The following TEX9 variants were observed in gnomAD, a reference collection of about 807,000 sequenced individuals.
The protein encoded by TEX9 is testis-expressed protein 9.
Under a neutral mutation model 59.6 loss-of-function variants are expected in TEX9, and 74 were observed. The ratio of observed to expected loss-of-function variants is 1.24; its 90% CI spans 1.03 to 1.51. TEX9 has a LOEUF of 1.51. Among genes scored for constraint, TEX9 ranks in the 40% most tolerant of loss-of-function variants. The pLI is 0.00. For synonymous variants in TEX9, 186 were observed against 152.2 expected, an observed-to-expected ratio of 1.22 and a Z score of -1.64; for missense variants, 522 against 447.8, an observed-to-expected ratio of 1.17 and a Z score of -1.49.
At chr15:56,280,456 T>C (rs1052827109) in intron 1 of TEX9, among the ~76,000 whole-genome samples, 5 of 152,226 alleles carry the variant, frequency 3.3e-5, no homozygotes, top group Non-Finnish European at 7.3e-5. Flanking sequence ...CTGAACATTC[T>C]ACCCGAAGGC....
intron 1 of TEX9, among the ~76,000 whole-genome samples, chr15:56,354,387 C>A (rs1335714686): frequency 6.6e-6 from 1 of 152,066 alleles, no homozygotes; most frequent in Admixed American, 6.6e-5. Context: ...TGCTGAACAC[C>A]AACACTAGGT....
rs565878067 is a variant in TEX9, at chr15:56,265,851, G to T, written c.-107+21573G>T. Among the ~76,000 whole-genome samples the T allele has an allele frequency of 5.3e-5, 8 of 152,084 alleles. No individual in the cohort carries two copies. In the East Asian group the frequency reaches 1.2e-3, roughly 22 times the overall value. ...ATATGAATATCAGTTGGGTCAAGGT[G>T]GTTGATGGTATTGTTCAGGCTTTTT... is the stretch of plus-strand genomic sequence containing the variant. On this transcript the variant is annotated intron_variant, in intron 1 of 5. Transcript: ENST00000560827.
At chr15:56,337,855 G>A (rs1179190789) in intron 1 of TEX9, among the ~76,000 whole-genome samples, 2 of 152,148 alleles carry the variant, frequency 1.3e-5, no homozygotes, top group Non-Finnish European at 2.9e-5. Context: ...CTCATTGCAG[G>A]AGTCTGTGTT....
the TEX9 span, chr15:56,456,571 T>C: frequency 6.3e-7 from 1 of 1,579,002 alleles, no homozygotes; most frequent in Non-Finnish European, 8.6e-7. Flanking sequence ...TCAGATTTTT[T>C]TCATCAAGGT....
chr15:56,325,962 G>C (rs1367520202), intron 1 of TEX9, among the ~76,000 whole-genome samples: 1 of 152,042 alleles, frequency 6.6e-6, no homozygotes, highest in African/African-American at 2.4e-5. Context: ...ATGAACATAC[G>C]GTCCCCAATT....
chr15:56,359,108 G>A (rs1414648634), intron 1 of TEX9, among the ~76,000 whole-genome samples: 1 of 152,088 alleles, frequency 6.6e-6, no homozygotes, highest in East Asian at 1.9e-4. Flanking sequence ...GGCTGTGACA[G>A]TTTCACAGCC....
At chr15:56,258,171 A>G (rs1183033792) in intron 1 of TEX9, among the ~76,000 whole-genome samples, 1 of 152,098 alleles carries the variant, frequency 6.6e-6, no homozygotes, top group Non-Finnish European at 1.5e-5. Context: ...TACTGGTACC[A>G]TGCTGTTTTA....
intron 8 of TEX9, 123 bp downstream of exon 8, chr15:56,394,370 T>A: frequency 1.2e-6 from 1 of 849,070 alleles, no homozygotes; most frequent in Non-Finnish European, 1.8e-6. Context: ...AATTCAAAAA[T>A]TGTATATAAG....
chr15:56,271,256 T>TC (rs1309637193), intron 1 of TEX9, among the ~76,000 whole-genome samples: 26 of 152,188 alleles, frequency 1.7e-4, no homozygotes, highest in African/African-American at 6.3e-4. Context: ...ATTCTCCCCG[T>TC]CACTTTCAGG....
chr15:56,256,705 G>A (rs1451659552), intron 1 of TEX9, among the ~76,000 whole-genome samples: 2 of 151,916 alleles, frequency 1.3e-5, no homozygotes, highest in African/African-American at 2.4e-5. Context: ...ATAATTATAG[G>A]TATGAAATAG....
rs571211271 is a variant in TEX9 at position 56,269,935 on chromosome 15, C to T, written c.-107+25657C>T. On this transcript the variant is annotated intron_variant, in intron 1 of 5. Coordinates refer to the TEX9 transcript ENST00000560827. ...CCTCCCAAAGTGCTGGGATTACAGG[C>T]GTGAGCCACCGCGCCCGGCCCTGAG... Among the ~76,000 whole-genome samples the T allele has an allele frequency of 1.1e-3, 172 of 152,230 alleles. 1 individual carries two copies. The highest frequency in any genetic ancestry group is 3.8e-3 in the African/African-American group (157 of 41,540).
At chr15:56,358,814 C>A (rs1417833528) in intron 1 of TEX9, among the ~76,000 whole-genome samples, 1 of 152,014 alleles carries the variant, frequency 6.6e-6, no homozygotes, top group Non-Finnish European at 1.5e-5. Context: ...ATGCTGTTCT[C>A]GTGATAGTGA....
chr15:56,347,067 T>C (rs2046485460), intron 1 of TEX9, among the ~76,000 whole-genome samples: 1 of 152,128 alleles, frequency 6.6e-6, no homozygotes, highest in Non-Finnish European at 1.5e-5. Context: ...CAAACACTGA[T>C]GAAAGATTTC....
intron 10 of TEX9, among the ~76,000 whole-genome samples, chr15:56,426,483 G>A (rs2050252818): frequency 6.7e-6 from 1 of 149,462 alleles, no homozygotes; most frequent in South Asian, 2.1e-4. Context: ...CATATAGTCA[G>A]TCTTTTAATG....
At chr15:56,298,611 G>A (rs1200765309) in intron 1 of TEX9, among the ~76,000 whole-genome samples, 6 of 152,120 alleles carry the variant, frequency 3.9e-5, no homozygotes, top group Non-Finnish European at 1.5e-5. Flanking sequence ...TCCTCAAGCT[G>A]TCTCATCTGT....
At chr15:56,457,106 CTT>C in the TEX9 span, among the ~76,000 whole-genome samples, 3 of 152,110 alleles carry the variant, frequency 2.0e-5, no homozygotes, top group Non-Finnish European at 4.4e-5. Flanking sequence ...TCTTAAGTCT[CTT>C]ATATATTCTG....
At chr15:56,301,779 A>G (rs1424523168) in intron 1 of TEX9, among the ~76,000 whole-genome samples, 1 of 152,204 alleles carries the variant, frequency 6.6e-6, no homozygotes. Context: ...GCCTTGTCCT[A>G]CAAGAAATGC....
chr15:56,299,832 G>A (rs1361900597), intron 1 of TEX9, among the ~76,000 whole-genome samples: 1 of 152,012 alleles, frequency 6.6e-6, no homozygotes, highest in African/African-American at 2.4e-5. Context: ...ACCCAGTTCT[G>A]GCAGGATTAA....
intron 10 of TEX9, among the ~76,000 whole-genome samples, chr15:56,415,491 G>A (rs1181034164): frequency 6.6e-6 from 1 of 151,886 alleles, no homozygotes; most frequent in Admixed American, 6.6e-5. Flanking sequence ...ATTGAAGAGG[G>A]AGCCCTTTCC....
Sources: gnomAD v4.1 joint callset for allele counts (sites outside exome capture counted in the v4.1 genomes callset) on GRCh38, gnomAD v4.1.1 for gene constraint, MANE v1.5 for transcripts, NCBI Gene and HGNC (gene_info 2026-07-23, HGNC 2026-07-21) for gene names.